CACNA1C: variants seen among roughly 807,000 people sequenced by gnomAD.
CACNA1C encodes the protein voltage-dependent L-type calcium channel subunit alpha-1C.
Under a neutral mutation model 229.0 loss-of-function variants are expected in CACNA1C, and 30 were observed. The observed-to-expected ratio is 0.13, with a 90% CI of 0.10 to 0.18. CACNA1C has a LOEUF of 0.18. Ranked by LOEUF, CACNA1C falls within the 10% of genes least tolerant of loss-of-function variation. CACNA1C has a pLI of 1.00. For synonymous variants in CACNA1C, 1,114 were observed against 1,132.5 expected, an observed-to-expected ratio of 0.98 and a Z score of 0.33; for missense variants, 1,658 against 2,845.0, an observed-to-expected ratio of 0.58 and a Z score of 9.49.
rs938317913 is a variant in CACNA1C at position 2,367,456 on chromosome 12, A to G, written c.478-81520A>G. Among the ~76,000 whole-genome samples the G allele has an allele frequency of 2.0e-5, 3 of 152,232 alleles. 1 individual carries two copies. Among genetic ancestry groups the G allele is most frequent in the Admixed American group, 2.0e-4 (3 of 15,278 alleles). On this transcript the variant is annotated intron_variant, in intron 3 of 46. Transcript: ENST00000399655. ...AAGCATAAAACAAAATGACAGAAGT[A>G]GGGTTGAACGTTTAACTATGCTAAA...
intron 1 of CACNA1C, among the ~76,000 whole-genome samples, chr12:2,066,946 G>A (rs1016312009): frequency 3.3e-5 from 5 of 152,086 alleles, no homozygotes; most frequent in Non-Finnish European, 7.4e-5. Flanking sequence ...TGAGGAGACC[G>A]GAAGAGGGAA....
chr12:2,208,877 C>G (rs1047106298), intron 3 of CACNA1C, among the ~76,000 whole-genome samples: 5 of 152,150 alleles, frequency 3.3e-5, no homozygotes, highest in Admixed American at 1.3e-4. Context: ...TTTAAGTACC[C>G]TACATTGAAA....
intron 46 of CACNA1C, 145 bp from the exon 47 acceptor site, chr12:2,690,755 C>G (rs1428746908): frequency 1.3e-6 from 1 of 759,442 alleles, no homozygotes. Flanking sequence ...GGTGCCCCTC[C>G]CAACACACAC....
Position 2,653,818 on chromosome 12 carries a change from C to G in CACNA1C, c.4075-17C>G. 2.5e-6 allele frequency: 4 copies of G among 1,612,764 alleles called. No individual in the cohort carries two copies. The highest frequency in any genetic ancestry group is 3.4e-6 in the Non-Finnish European group (4 of 1,179,010). Reference sequence around the variant, plus strand: ...CTGCACTCCAGCCTCATGGGAGTCTCCTGCACTTCCTTCCAGGCCCTGCCC... The same window carrying G: ...CTGCACTCCAGCCTCATGGGAGTCTGCTGCACTTCCTTCCAGGCCCTGCCC... On this transcript the variant is annotated splice_polypyrimidine_tract_variant and intron_variant, in intron 32 of 46. Transcript: ENST00000399655. The surrounding 1 kb of genome is among the most constrained non-coding windows in gnomAD (Gnocchi z 4.7).
At chr12:2,494,228 C>T (rs538490551) in intron 7 of CACNA1C, among the ~76,000 whole-genome samples, 1 of 152,302 alleles carries the variant, frequency 6.6e-6, no homozygotes, top group South Asian at 2.1e-4. Flanking sequence ...TTTTATTACC[C>T]AGTAGCCAAC....
At chr12:2,118,042 G>C (rs2084797861) in intron 2 of CACNA1C, among the ~76,000 whole-genome samples, 1 of 152,250 alleles carries the variant, frequency 6.6e-6, no homozygotes, top group Non-Finnish European at 1.5e-5. Flanking sequence ...GCTTACCTGG[G>C]TTCTCTGCTT....
intron 3 of CACNA1C, among the ~76,000 whole-genome samples, chr12:2,439,227 G>A (rs1235741979): frequency 6.6e-6 from 1 of 152,210 alleles, no homozygotes; most frequent in African/African-American, 2.4e-5. Flanking sequence ...TGGCCTGGGT[G>A]GCATTTGGGC....
At chr12:2,244,973 C>A (rs994746921) in intron 3 of CACNA1C, among the ~76,000 whole-genome samples, 1 of 152,172 alleles carries the variant, frequency 6.6e-6, no homozygotes, top group Non-Finnish European at 1.5e-5. Context: ...GACATTCCCA[C>A]AGGGTTTTTC....
At chr12:2,525,640 C>G (rs1162068076) in intron 9 of CACNA1C, among the ~76,000 whole-genome samples, 3 of 121,284 alleles carry the variant, frequency 2.5e-5, no homozygotes, top group South Asian at 2.4e-4. Flanking sequence ...CCAAGCAACT[C>G]AGCCTATTAA....
At chr12:2,648,798 C>T (rs1254099270) in intron 31 of CACNA1C, among the ~76,000 whole-genome samples, 1 of 152,164 alleles carries the variant, frequency 6.6e-6, no homozygotes, top group Non-Finnish European at 1.5e-5. Context: ...AGGTCCATTT[C>T]CTGTTAAACA....
intron 1 of CACNA1C, among the ~76,000 whole-genome samples, chr12:2,037,881 C>T (rs2049414085): frequency 6.6e-6 from 1 of 152,210 alleles, no homozygotes; most frequent in Admixed American, 6.5e-5. Context: ...TTCTTATGCA[C>T]ATTTAAGTTT....
At chr12:2,578,737 G>A (rs1035789813) in intron 13 of CACNA1C, among the ~76,000 whole-genome samples, 1 of 152,190 alleles carries the variant, frequency 6.6e-6, no homozygotes, top group African/African-American at 2.4e-5. Context: ...GGAAGCAGGA[G>A]CTCCATCAGA....
At chr12:1,990,476 AAG>A (rs1224495361) in intron 1 of CACNA1C, among the ~76,000 whole-genome samples, 1 of 152,186 alleles carries the variant, frequency 6.6e-6, no homozygotes, top group Non-Finnish European at 1.5e-5. Flanking sequence ...TGATTAAATG[AAG>A]AGAGTTTGGG....
intron 3 of CACNA1C, among the ~76,000 whole-genome samples, chr12:2,127,572 C>T (rs1360826904): frequency 6.6e-6 from 1 of 152,222 alleles, no homozygotes; most frequent in African/African-American, 2.4e-5. Context: ...CATGTACAAA[C>T]ACCCTGTCCT....
chr12:2,682,870 A>T, intron 43 of CACNA1C, among the ~76,000 whole-genome samples, 192 bp downstream of exon 43: 1 of 37,100 alleles, frequency 2.7e-5, no homozygotes. Flanking sequence ...ACACACAAAC[A>T]CACACACACC....
intron 9 of CACNA1C, among the ~76,000 whole-genome samples, chr12:2,540,399 G>A (rs1380776065): frequency 1.3e-5 from 2 of 152,112 alleles, no homozygotes; most frequent in Non-Finnish European, 2.9e-5. Context: ...GGGCAGGAGG[G>A]TGGTCCTGGG....
intron 3 of CACNA1C, among the ~76,000 whole-genome samples, chr12:2,128,620 T>C (rs535963005): frequency 8.6e-5 from 13 of 152,042 alleles, no homozygotes; most frequent in African/African-American, 2.9e-4. Context: ...ACCGTGTTAG[T>C]CAGGATGGTC....
In CACNA1C at chr12:2,232,165, G is replaced by A. The variant is rs1428431998; in HGVS notation, c.477+111735G>A. On this transcript the variant is annotated intron_variant, in intron 3 of 46. Coordinates refer to ENST00000399655, the MANE Select transcript of CACNA1C (RefSeq NM_000719.7). ...GCAGATCCAATCCAAGATCCCACAT[G>A]ACATTTAGTCATCGTGTCTCCTTTG... Among the ~76,000 whole-genome samples, 3 of 147,968 alleles carry A rather than the reference G, an allele frequency of 2.0e-5. No homozygotes were observed. The East Asian group carries it at 6.0e-4, about 30-fold the overall frequency.
intron 3 of CACNA1C, among the ~76,000 whole-genome samples, chr12:2,227,150 C>A (rs1161260684): frequency 6.6e-6 from 1 of 152,188 alleles, no homozygotes; most frequent in Non-Finnish European, 1.5e-5. Flanking sequence ...TGAAATCATC[C>A]CCTCCTGACT....
Sources: gnomAD v4.1 joint callset for allele counts (sites outside exome capture counted in the v4.1 genomes callset) on GRCh38, gnomAD v4.1.1 for gene constraint, Gnocchi (gnomAD v3.1) non-coding constraint, MANE v1.5 for transcripts, NCBI Gene and HGNC (gene_info 2026-07-23, HGNC 2026-07-21) for gene names.